The following EIF4G3 variants were observed in gnomAD, a reference collection of about 807,000 sequenced individuals.
EIF4G3 encodes eukaryotic translation initiation factor 4 gamma 3.
In EIF4G3, 34 loss-of-function variants were observed where a neutral mutation model predicts 186.4. The observed-to-expected ratio is 0.18, with a 90% confidence interval of 0.14 to 0.24. The LOEUF is 0.24. Among genes scored for constraint, EIF4G3 ranks in the 10% least tolerant of loss-of-function variants. The pLI is 1.00. For synonymous variants in EIF4G3, 673 were observed against 679.5 expected, an observed-to-expected ratio of 0.99 and a Z score of 0.15; for missense variants, 1,536 against 1,948.5, an observed-to-expected ratio of 0.79 and a Z score of 3.99.
chr1:20,868,549 T>C (rs1191653160), intron 20 of EIF4G3, among the ~76,000 whole-genome samples: 1 of 152,094 alleles, frequency 6.6e-6, no homozygotes, highest in African/African-American at 2.4e-5. Context: ...GAGTCAGGGC[T>C]TCAAACTATG....
At chr1:21,117,688 CTT>C (rs2096848897) in intron 2 of EIF4G3, among the ~76,000 whole-genome samples, 1 of 131,882 alleles carries the variant, frequency 7.6e-6, no homozygotes, top group Non-Finnish European at 1.5e-5. Context: ...TGAAAGCACT[CTT>C]TGTAATTCTG....
At chr1:20,816,800 A>G (rs2061097858) in intron 34 of EIF4G3, among the ~76,000 whole-genome samples, 1 of 93,846 alleles carries the variant, frequency 1.1e-5, no homozygotes, top group Admixed American at 1.1e-4. Flanking sequence ...TGGAATAGAA[A>G]GGCGGGAAGG....
chr1:20,929,783 T>C (rs1006023994), intron 14 of EIF4G3, among the ~76,000 whole-genome samples: 2 of 152,164 alleles, frequency 1.3e-5, no homozygotes, highest in Non-Finnish European at 1.5e-5. Context: ...GTCACAGAGA[T>C]AGACAAGGAA....
At chr1:21,081,208 G>A (rs902702427) in intron 3 of EIF4G3, among the ~76,000 whole-genome samples, 2 of 152,216 alleles carry the variant, frequency 1.3e-5, no homozygotes, top group Non-Finnish European at 1.5e-5. Flanking sequence ...CGAGGCGGGT[G>A]GATCACGAGG....
intron 14 of EIF4G3, among the ~76,000 whole-genome samples, chr1:20,916,372 G>A (rs889022816): frequency 4.0e-5 from 6 of 151,834 alleles, no homozygotes; most frequent in Non-Finnish European, 8.8e-5. Flanking sequence ...GCATGAACCC[G>A]GGAGGCGGAG....
intron 34 of EIF4G3, among the ~76,000 whole-genome samples, chr1:20,815,094 G>T (rs888905353): frequency 1.3e-5 from 1 of 76,294 alleles, no homozygotes; most frequent in Non-Finnish European, 2.7e-5. Flanking sequence ...GCTCAATGGT[G>T]CCCAGGCTGG....
chr1:21,169,758 A>G (rs893461845), intron 2 of EIF4G3: 9 of 152,370 alleles, frequency 5.9e-5, no homozygotes, highest in African/African-American at 2.2e-4. Flanking sequence ...CAATTCAATT[A>G]TACATCCCTG....
chr1:21,173,257 T>G (rs1351484232), intron 2 of EIF4G3, among the ~76,000 whole-genome samples: 1 of 147,126 alleles, frequency 6.8e-6, no homozygotes, highest in Non-Finnish European at 1.5e-5. Flanking sequence ...AGCGCAGTGG[T>G]GCAGTCTCGG....
intron 11 of EIF4G3, among the ~76,000 whole-genome samples, chr1:20,971,482 C>T (rs1351444124): frequency 6.6e-6 from 1 of 152,222 alleles, no homozygotes; most frequent in African/African-American, 2.4e-5. Flanking sequence ...TCAAGTCCAA[C>T]TTCTATCATG....
intron 7 of EIF4G3, among the ~76,000 whole-genome samples, chr1:20,994,628 C>CTTTTTTTTT (rs3081939): frequency 2.4e-5 from 3 of 124,482 alleles, no homozygotes; most frequent in Non-Finnish European, 3.3e-5. Flanking sequence ...AACATATATA[C>CTTTTTTTTT]TTTTTTTTTT....
chr1:21,156,434 T>A (rs1164142934), intron 2 of EIF4G3, among the ~76,000 whole-genome samples: 1 of 152,196 alleles, frequency 6.6e-6, no homozygotes, highest in Non-Finnish European at 1.5e-5. Context: ...TTTCTGCTCA[T>A]CTGACTTCCA....
At chr1:21,030,320 T>C (rs1352268500) in intron 4 of EIF4G3, among the ~76,000 whole-genome samples, 1 of 152,234 alleles carries the variant, frequency 6.6e-6, no homozygotes, top group Non-Finnish European at 1.5e-5. Flanking sequence ...GACTGAATTA[T>C]GGAGGCAGGT....
At chr1:20,974,198 G>A (rs1051105505) in intron 10 of EIF4G3, among the ~76,000 whole-genome samples, 1 of 152,172 alleles carries the variant, frequency 6.6e-6, no homozygotes, top group Admixed American at 6.6e-5. Flanking sequence ...TGGAGTCAGA[G>A]GATAGGTATG....
chr1:21,146,126 G>A (rs2097436289), intron 2 of EIF4G3, among the ~76,000 whole-genome samples: 1 of 151,880 alleles, frequency 6.6e-6, no homozygotes, highest in Non-Finnish European at 1.5e-5. Context: ...AGTAGAGGTT[G>A]GAGGATTACT....
intron 7 of EIF4G3, among the ~76,000 whole-genome samples, chr1:20,987,725 T>C (rs576701549): frequency 1.2e-4 from 18 of 152,314 alleles, no homozygotes; most frequent in South Asian, 2.1e-4. Context: ...TCCTTAGACC[T>C]TCCTATTCAG....
At chr1:21,160,265 T>C (rs1337958217) in intron 2 of EIF4G3, among the ~76,000 whole-genome samples, 2 of 151,974 alleles carry the variant, frequency 1.3e-5, no homozygotes, top group African/African-American at 4.8e-5. Context: ...CATGAGTCCA[T>C]AGTGATATGA....
intron 4 of EIF4G3, among the ~76,000 whole-genome samples, chr1:21,048,143 T>C (rs1389799726): frequency 6.6e-6 from 1 of 152,222 alleles, no homozygotes; most frequent in Non-Finnish European, 1.5e-5. Context: ...AGTGAGATGC[T>C]AGGAGACCAT....
intron 3 of EIF4G3, among the ~76,000 whole-genome samples, chr1:21,076,217 T>C (rs771502540): frequency 7.2e-5 from 11 of 152,278 alleles, no homozygotes; most frequent in East Asian, 5.8e-4. Flanking sequence ...TACAAATACA[T>C]GGAAATTAGG....
intron 2 of EIF4G3, among the ~76,000 whole-genome samples, chr1:21,106,616 G>C (rs375422985): frequency 6.6e-6 from 1 of 152,052 alleles, no homozygotes; most frequent in African/African-American, 2.4e-5. Context: ...AATCCAGGAG[G>C]AGATGTAAAT....
Sources: gnomAD v4.1 joint callset for allele counts (sites outside exome capture counted in the v4.1 genomes callset) on GRCh38, gnomAD v4.1.1 for gene constraint, MANE v1.5 for transcripts, NCBI Gene and HGNC (gene_info 2026-07-23, HGNC 2026-07-21) for gene names.